SYNE1: variants seen among roughly 807,000 people sequenced by gnomAD.
SYNE1 encodes spectrin repeat containing nuclear envelope protein 1.
A neutral mutation model predicts 1,111.0 loss-of-function variants in SYNE1; 616 were observed. The observed-to-expected ratio is 0.55, with a 90% confidence interval of 0.52 to 0.59. The LOEUF (loss-of-function observed/expected upper bound fraction) is 0.59, where lower values mean the gene tolerates loss of function less well. Ranked by LOEUF, SYNE1 falls within the 20% of genes least tolerant of loss-of-function variation. The pLI, the probability that SYNE1 is intolerant of heterozygous loss-of-function variation, is 0.00. For synonymous variants in SYNE1, 3,855 were observed against 3,825.8 expected, an observed-to-expected ratio of 1.01 and a Z score of -0.28; for missense variants, 10,006 against 10,417.0, an observed-to-expected ratio of 0.96 and a Z score of 1.72.
chr6:152,268,202 T>C (rs1168320890), intron 99 of SYNE1, 37 bp from the exon 100 acceptor site: 1 of 1,510,668 alleles, frequency 6.6e-7, no homozygotes, highest in African/African-American at 1.4e-5. Context: ...ACACATTTGC[T>C]ACTTTATGAT....
intron 141 of SYNE1, among the ~76,000 whole-genome samples, chr6:152,136,351 T>C (rs1187706359): frequency 6.6e-6 from 1 of 152,242 alleles, no homozygotes; most frequent in Non-Finnish European, 1.5e-5. Flanking sequence ...GAATGAGTCA[T>C]AGAAGGAGCG....
rs142010074 is a variant in SYNE1 at position 152,310,799 on chromosome 6, G to A, written c.16785C>T (p.Ser5595=). 2.2e-5 allele frequency: 35 copies of A among 1,613,840 alleles called. No individual in the cohort carries two copies. The highest frequency in any genetic ancestry group is 6.7e-5 in the Admixed American group (4 of 59,980). Residue 5595 remains serine (S), a synonymous_variant, in exon 88 of 146, where the codon AGC becomes AGT. Transcript: ENST00000367255. The part of the protein sequence containing the change: ...AMTEKLQYLT[S]VYCTEKMSQQ... ...GAGACATTTTTTCTGTACAGTACAC[G>A]CTAGTGAGGTACTGTAATTTCTCAG...
rs772266857 is a variant in SYNE1, at chr6:152,419,598, C to A, written c.5392G>T (p.Asp1798Tyr). The A allele has an allele frequency of 8.1e-6, 13 of 1,612,644 alleles. No homozygotes were observed. The African/African-American group carries it at 1.5e-4, about 18-fold the overall frequency. Reference protein sequence around the residue: ...LQTTSEISIMDHQVALTRHKD... With the variant: ...LQTTSEISIMYHQVALTRHKD... The stretch of plus-strand genomic sequence containing the variant: ...TGCCGAGTAAGGGCTACTTGATGGT[C>A]CATTATGCTAATCTCAGAGGTAGTT... Residue 1798 changes from aspartate to tyrosine, a missense_variant, in exon 40 of 146, where the codon GAC becomes TAC. Coordinates refer to ENST00000367255, the MANE Select transcript of SYNE1 (RefSeq NM_182961.4).
Position 152,302,072 on chromosome 6 carries a change from A to G in SYNE1, c.17347-9T>C. 2 of 1,614,206 alleles carry G rather than the reference A, an allele frequency of 1.2e-6. No homozygotes were observed. The highest frequency in any genetic ancestry group is 1.7e-6 in the Non-Finnish European group (2 of 1,180,036). On this transcript the variant is annotated splice_polypyrimidine_tract_variant and intron_variant, in intron 91 of 145. Coordinates refer to ENST00000367255, the MANE Select transcript of SYNE1 (RefSeq NM_182961.4). ...ATTTTCTGCGCCAGCTCCTGAGGAAACATTTCCCCCACCGGGGTGTCAGAG... is the reference window on the plus strand; with the variant it reads ...ATTTTCTGCGCCAGCTCCTGAGGAAGCATTTCCCCCACCGGGGTGTCAGAG...
Position 152,208,013 on chromosome 6 carries a change from T to C in SYNE1, c.22783A>G (p.Ile7595Val), listed in dbSNP as rs146320179. The change falls in exon 125 of 146, where the codon ATA (isoleucine) becomes GTA (valine). Residue 7595 changes from isoleucine (I) to valine (V), a missense_variant. This residue lies in a region of SYNE1 where 2,182 missense variants were observed against 2,287.8 expected (regional missense o/e 0.95). Transcript: ENST00000367255. The stretch of plus-strand genomic sequence containing the variant: ...AGGGTCCTTGCTTGTTGCAGTGGTA[T>C]AGGAACACTTCCGAGACCACTCATG... ...LPMSGLGSVPIPLQQARTLFD... is the reference protein window; with the variant it reads ...LPMSGLGSVPVPLQQARTLFD... 508 of 1,614,044 alleles carry C rather than the reference T, an allele frequency of 3.1e-4. No individual in the cohort carries two copies. Among genetic ancestry groups the C allele is most frequent in the Non-Finnish European group, 3.9e-4 (465 of 1,180,018 alleles).
chr6:152,440,919 T>C (rs2098524058), intron 32 of SYNE1, among the ~76,000 whole-genome samples: 3 of 152,186 alleles, frequency 2.0e-5, no homozygotes, highest in African/African-American at 7.2e-5. Flanking sequence ...CTAACCATTT[T>C]CCAATTTGAT....
intron 12 of SYNE1, 130 bp from the exon 13 acceptor site, chr6:152,485,102 G>A (rs1015540096): frequency 2.1e-5 from 22 of 1,061,784 alleles, no homozygotes; most frequent in South Asian, 1.0e-4. Flanking sequence ...TAATAATAAC[G>A]GTAGTTATGA....
intron 127 of SYNE1, among the ~76,000 whole-genome samples, chr6:152,190,717 T>G (rs765832764): frequency 2.0e-5 from 3 of 152,196 alleles, no homozygotes; most frequent in Non-Finnish European, 4.4e-5. Context: ...GCAGCCTCCA[T>G]GTACCCTCCC....
chr6:152,308,327 A>C (rs2095441891), intron 91 of SYNE1, among the ~76,000 whole-genome samples, 162 bp downstream of exon 91: 1 of 152,178 alleles, frequency 6.6e-6, no homozygotes, highest in Non-Finnish European at 1.5e-5. Context: ...AATCAACAAA[A>C]ACGGCACTCA....
Position 152,350,131 on chromosome 6 carries a change from G to A in SYNE1, c.11901+37C>T, listed in dbSNP as rs111719227. On this transcript the variant is annotated intron_variant, in intron 72 of 145. Transcript: ENST00000367255. Reference sequence around the variant, plus strand: ...ACACATGCGTACACACACTGGTGAAGCCATCCCAAAGGCAGCCCTTTAAAG... The same window carrying A: ...ACACATGCGTACACACACTGGTGAAACCATCCCAAAGGCAGCCCTTTAAAG... 1.1e-3 allele frequency: 1,846 copies of A among 1,611,938 alleles called. 25 individuals are homozygous for A. In the African/African-American group the frequency reaches 0.021, roughly 18 times the overall value.
chr6:152,532,955 A>AG (rs2099212203), intron 4 of SYNE1, among the ~76,000 whole-genome samples: 1 of 152,126 alleles, frequency 6.6e-6, no homozygotes, highest in African/African-American at 2.4e-5. Flanking sequence ...GACCTCCCCA[A>AG]AGGTTGGCAA....
intron 99 of SYNE1, among the ~76,000 whole-genome samples, chr6:152,268,736 G>A (rs146209693): frequency 6.6e-5 from 10 of 151,968 alleles, no homozygotes; most frequent in African/African-American, 1.9e-4. Flanking sequence ...ATTTTGTAAC[G>A]ACATCTACTT....
At chr6:152,146,862 C>T (rs2059597385) in intron 137 of SYNE1, 1 of 152,326 alleles carries the variant, frequency 6.6e-6, no homozygotes, top group African/African-American at 2.4e-5. Context: ...TGTGGGAGCT[C>T]CTCCGTTCAC....
Position 152,592,351 on chromosome 6 carries a change from T to C in SYNE1, c.67+35914A>G, listed in dbSNP as rs951094508. 2.6e-5 allele frequency among the ~76,000 whole-genome samples: 4 copies of C among 152,150 alleles called. No homozygotes were observed. In the East Asian group the frequency reaches 7.7e-4, roughly 29 times the overall value. On this transcript the variant is annotated intron_variant, in intron 3 of 145. Coordinates refer to ENST00000367255, the MANE Select transcript of SYNE1 (RefSeq NM_182961.4). ...AGTGGTAGACTGGATGGAGAAAATGTAGTACATATACACCATGGAATTCTA... is the reference window on the plus strand; with the variant it reads ...AGTGGTAGACTGGATGGAGAAAATGCAGTACATATACACCATGGAATTCTA...
At chr6:152,347,002 C>T in intron 73 of SYNE1, 57 bp downstream of exon 73, 1 of 1,600,652 alleles carries the variant, frequency 6.2e-7, no homozygotes, top group Admixed American at 1.7e-5. Context: ...AGTCTCTAGA[C>T]TGCACAGCCT....
chr6:152,327,443 T>C (rs764052731), intron 78 of SYNE1, among the ~76,000 whole-genome samples: 1 of 151,574 alleles, frequency 6.6e-6, no homozygotes, highest in Non-Finnish European at 1.5e-5. Flanking sequence ...AATAGAAAAG[T>C]TGAAAAGTTT....
In SYNE1 at chr6:152,219,110, G is replaced by T. The variant is rs754278549; in HGVS notation, c.21937C>A (p.Gln7313Lys). Residue 7313 changes from glutamine (Q) to lysine (K), a missense_variant, in exon 120 of 146, where the codon CAA becomes AAA. Around this residue, in one of 7 missense-constraint regions of SYNE1, gnomAD observed 2,182 missense variants for 2,287.8 expected, o/e 0.95. Coordinates refer to ENST00000367255, the MANE Select transcript of SYNE1 (RefSeq NM_182961.4). The part of the protein sequence containing the change: ...LHELGEQLKQ[Q>K]VDASAASAIQ... ...GCTGATGCTGCGGAAGCATCCACTT[G>T]TTGCTTCAGTTGCTCTCCCAGCTCA... 4 of 1,613,972 alleles carry T rather than the reference G, an allele frequency of 2.5e-6. No individual in the cohort carries two copies. In the African/African-American group the frequency reaches 4.0e-5, roughly 16 times the overall value.
intron 101 of SYNE1, among the ~76,000 whole-genome samples, chr6:152,261,171 G>A (rs535757601): frequency 1.3e-5 from 2 of 152,194 alleles, no homozygotes; most frequent in Non-Finnish European, 1.5e-5. Context: ...CAGAGCAACA[G>A]GAAAGGTTTT....
chr6:152,326,265 A>G (rs776282186), intron 79 of SYNE1, 31 bp downstream of exon 79: 13 of 1,613,696 alleles, frequency 8.1e-6, no homozygotes, highest in South Asian at 2.2e-5. Flanking sequence ...TCATTTCACT[A>G]AAACATAAAA....
Sources: allele counts gnomAD v4.1 joint callset (sites outside exome capture counted in the v4.1 genomes callset), GRCh38; gene constraint gnomAD v4.1.1; regional missense constraint gnomAD v4.1.1; transcripts MANE v1.5; gene names NCBI Gene and HGNC (gene_info 2026-07-23, HGNC 2026-07-21).